ETS1: variants seen among roughly 807,000 people sequenced by gnomAD.
ETS1 encodes the protein protein C-ets-1.
In ETS1, 15 loss-of-function variants were observed where a neutral mutation model predicts 58.6. The observed-to-expected ratio is 0.26, with a 90% CI of 0.17 to 0.39. ETS1 has a LOEUF of 0.39. Among genes scored for constraint, ETS1 ranks in the 10% least tolerant of loss-of-function variants. ETS1 has a pLI of 1.00. For synonymous variants in ETS1, 214 were observed against 218.2 expected (o/e 0.98, Z 0.17); for missense variants, 417 against 610.5 (o/e 0.68, Z 3.34).
At chr11:128,550,206 C>CA (rs1191161884) in intron 3 of ETS1, among the ~76,000 whole-genome samples, 1 of 152,238 alleles carries the variant, frequency 6.6e-6, no homozygotes, top group African/African-American at 2.4e-5. Context: ...CTTCCCACAA[C>CA]ACCAGGCCAA....
At chr11:128,514,980 T>C (rs1863483745) in intron 3 of ETS1, among the ~76,000 whole-genome samples, 1 of 152,210 alleles carries the variant, frequency 6.6e-6, no homozygotes, top group African/African-American at 2.4e-5. Flanking sequence ...TTCTTGTCTT[T>C]TTTTAATTCA....
intron 2 of ETS1, among the ~76,000 whole-genome samples, chr11:128,559,244 C>G (rs1278481063): frequency 6.6e-6 from 1 of 152,094 alleles, no homozygotes; most frequent in East Asian, 1.9e-4. Flanking sequence ...GTGACATTGG[C>G]AAAGAGGGGA....
At chr11:128,577,289 AT>A (rs1565417577) in intron 1 of ETS1, among the ~76,000 whole-genome samples, 2 of 152,348 alleles carry the variant, frequency 1.3e-5, no homozygotes, top group Non-Finnish European at 2.9e-5. Flanking sequence ...TTGTTTCATG[AT>A]CCATTTCTAA....
chr11:128,473,795 G>A (rs570142188), intron 8 of ETS1, among the ~76,000 whole-genome samples: 13 of 152,140 alleles, frequency 8.5e-5, no homozygotes, highest in African/African-American at 1.9e-4. Context: ...AGGGGAGGCC[G>A]TCCAGAGAAA....
At chr11:128,478,451 G>GAGGAAGGA (rs565106307) in intron 8 of ETS1, among the ~76,000 whole-genome samples, 5 of 28,652 alleles carry the variant, frequency 1.7e-4, no homozygotes, top group Non-Finnish European at 7.4e-4. Context: ...GGGAGAGAGG[G>GAGGAAGGA]AGGGAGGAAG....
intron 3 of ETS1, among the ~76,000 whole-genome samples, chr11:128,545,178 T>C (rs1251052644): frequency 6.6e-6 from 1 of 152,138 alleles, no homozygotes; most frequent in African/African-American, 2.4e-5. Context: ...AAATGACCAA[T>C]ATGGGACTCC....
At position 128,480,379 on chromosome 11, in the gene ETS1, C is replaced by A; in HGVS notation, c.935G>T (p.Trp312Leu). Residue 312 changes from tryptophan (W) to leucine (L), a missense_variant, in exon 8 of 10, where the codon TGG (tryptophan) becomes TTG (leucine). Coordinates refer to ENST00000392668, the MANE Select transcript of ETS1 (RefSeq NM_001143820.2). ...YDSCDRLTQSWSSQSSFNSLQ... is the reference protein window; with the variant it reads ...YDSCDRLTQSLSSQSSFNSLQ... ...GCTGTTGAAAGATGACTGGCTGCTC[C>A]AGGACTGGGTGAGGCGATCACAACT... 1 of 1,614,044 alleles carries A rather than the reference C, an allele frequency of 6.2e-7. No homozygotes were observed. Among genetic ancestry groups the A allele is most frequent in the Non-Finnish European group, 8.5e-7 (1 of 1,179,992 alleles).
intron 2 of ETS1, among the ~76,000 whole-genome samples, chr11:128,557,743 G>T (rs1864335136): frequency 6.6e-6 from 1 of 152,154 alleles, no homozygotes; most frequent in South Asian, 2.1e-4. Context: ...AACTCTGCTA[G>T]AATTTAATAT....
At position 128,549,004 on chromosome 11, in the gene ETS1, G is replaced by A. The variant is rs183921102; in HGVS notation, c.214+7287C>T. 5.3e-5 allele frequency among the ~76,000 whole-genome samples: 8 copies of A among 152,260 alleles called. No homozygotes were observed. Among genetic ancestry groups the A allele is most frequent in the African/African-American group, 1.9e-4 (8 of 41,552 alleles). The stretch of plus-strand genomic sequence containing the variant: ...TGTATTTTGGGAGGATTGCAGGGGA[G>A]GAAGGCGGGGTGGGGTTAGGGACCG... On this transcript the variant is annotated intron_variant, in intron 3 of 9. Coordinates refer to ENST00000392668, the MANE Select transcript of ETS1 (RefSeq NM_001143820.2). The surrounding 1 kb of genome is among the most constrained non-coding windows in gnomAD (Gnocchi z 4.3).
intron 3 of ETS1, among the ~76,000 whole-genome samples, chr11:128,537,927 T>C (rs1863995461): frequency 6.6e-6 from 1 of 152,172 alleles, no homozygotes; most frequent in Admixed American, 6.5e-5. Flanking sequence ...ACTTAGAAGA[T>C]GACTTCAGGA....
intron 3 of ETS1, among the ~76,000 whole-genome samples, chr11:128,550,066 GAC>G (rs1441235758): frequency 6.6e-6 from 1 of 152,208 alleles, no homozygotes; most frequent in Non-Finnish European, 1.5e-5. Flanking sequence ...TCATGCAGTG[GAC>G]ACAAGAACTC....
intron 3 of ETS1, among the ~76,000 whole-genome samples, chr11:128,544,899 T>C (rs1249557083): frequency 6.6e-6 from 1 of 152,150 alleles, no homozygotes; most frequent in African/African-American, 2.4e-5. Context: ...GGGAAGTCTG[T>C]GTAAACTTCA....
chr11:128,477,546 C>G (rs547143472), intron 8 of ETS1, among the ~76,000 whole-genome samples: 41 of 152,080 alleles, frequency 2.7e-4, no homozygotes, highest in Non-Finnish European at 3.7e-4. Flanking sequence ...GCGGGGGCAC[C>G]ATGAGGGTGT....
intron 3 of ETS1, chr11:128,522,379 C>A (rs1863705826): frequency 4.0e-6 from 4 of 987,842 alleles, no homozygotes; most frequent in Non-Finnish European, 4.8e-6. Context: ...CTCGCGGCGC[C>A]GCGTCTCGGC....
chr11:128,576,921 G>A (rs760723457), intron 1 of ETS1, among the ~76,000 whole-genome samples: 8 of 152,134 alleles, frequency 5.3e-5, no homozygotes, highest in Non-Finnish European at 1.2e-4. Flanking sequence ...CCTGAGCCAC[G>A]CTTCACCCCA....
intron 2 of ETS1, among the ~76,000 whole-genome samples, chr11:128,566,090 CT>C (rs1864489576): frequency 6.6e-6 from 1 of 152,220 alleles, no homozygotes; most frequent in South Asian, 2.1e-4. Context: ...AAACCACCGG[CT>C]GTGACAAGAG....
At chr11:128,523,883 G>A (rs1253550153) in intron 3 of ETS1, among the ~76,000 whole-genome samples, 4 of 151,602 alleles carry the variant, frequency 2.6e-5, no homozygotes, top group Non-Finnish European at 5.9e-5. Flanking sequence ...AACAGCTGAT[G>A]AATGAATTGT....
At chr11:128,511,676 G>A (rs1326338183) in intron 3 of ETS1, among the ~76,000 whole-genome samples, 2 of 152,206 alleles carry the variant, frequency 1.3e-5, no homozygotes, top group African/African-American at 4.8e-5. Context: ...AGAATGCCTT[G>A]TTGACACTTT....
At chr11:128,574,668 T>G (rs1025168739) in intron 1 of ETS1, among the ~76,000 whole-genome samples, 1 of 152,196 alleles carries the variant, frequency 6.6e-6, no homozygotes, top group Non-Finnish European at 1.5e-5. Context: ...TAGATATGCC[T>G]GTCCTGACCA....
Sources: gnomAD v4.1 joint callset for allele counts (sites outside exome capture counted in the v4.1 genomes callset) on GRCh38, gnomAD v4.1.1 for gene constraint, Gnocchi (gnomAD v3.1) non-coding constraint, MANE v1.5 for transcripts, NCBI Gene and HGNC (gene_info 2026-07-23, HGNC 2026-07-21) for gene names.